The following KRT85 variants were observed in gnomAD, a reference collection of about 807,000 sequenced individuals.
The protein encoded by KRT85 is keratin 85.
In KRT85, 39 loss-of-function variants were observed where a neutral mutation model predicts 53.7. That is an observed-to-expected ratio of 0.73 (90% CI 0.56 to 0.95). KRT85 has a LOEUF of 0.95. KRT85 is among the 40% of genes least tolerant of loss of function. KRT85 has a pLI of 0.00. For missense variants in KRT85, 668 were observed against 686.0 expected (o/e 0.97, Z 0.29); for synonymous variants, 291 against 277.5 (o/e 1.05, Z -0.48).
Position 52,367,115 on chromosome 12 carries a change from G to C in KRT85, c.291C>G (p.Thr97=). 1 of 1,613,390 alleles carries C rather than the reference G, an allele frequency of 6.2e-7. No homozygotes were observed. The highest frequency in any genetic ancestry group is 8.5e-7 in the Non-Finnish European group (1 of 1,179,986). The change falls in exon 1 of 9, where the codon ACC becomes ACG. Residue 97 remains threonine (T), a synonymous_variant. Coordinates refer to ENST00000257901, the MANE Select transcript of KRT85 (RefSeq NM_002283.4). ...TGAGGAGGCTCTCGTTGACCGACAC[G>C]GTAGTGATGCATGGGGGGCTGGGTC... The part of the protein sequence containing the change: ...VCGPSPPCIT[T]VSVNESLLTP...
chr12:52,363,771 A>G (rs528679379), intron 4 of KRT85, among the ~76,000 whole-genome samples: 1 of 152,248 alleles, frequency 6.6e-6, no homozygotes, highest in East Asian at 1.9e-4. Flanking sequence ...GACCCCCACC[A>G]CACATGCACA....
At chr12:52,364,737 T>C (rs538071056) in intron 2 of KRT85, 1 of 1,379,722 alleles carries the variant, frequency 7.2e-7, no homozygotes, top group South Asian at 1.5e-5. Context: ...CCACTGGATT[T>C]CCTCTCTTCA....
At chr12:52,361,335 G>A in intron 8 of KRT85, 132 bp downstream of exon 8, 1 of 867,306 alleles carries the variant, frequency 1.2e-6, no homozygotes, top group Non-Finnish European at 2.0e-6. Context: ...CACCTGTCAT[G>A]GCCCCCACTG....
At chr12:52,366,885 T>G in intron 1 of KRT85, 101 bp downstream of exon 1, 2 of 1,594,888 alleles carry the variant, frequency 1.3e-6, no homozygotes, top group South Asian at 2.2e-5. Context: ...TTCCCTCTGC[T>G]GCCTCAAACC....
At chr12:52,363,961 T>C in intron 4 of KRT85, 107 bp downstream of exon 4, 1 of 887,794 alleles carries the variant, frequency 1.1e-6, no homozygotes, top group Admixed American at 1.7e-5. Context: ...CACACTTACA[T>C]TGCACATTGG....
chr12:52,363,979 A>G, intron 4 of KRT85, 89 bp downstream of exon 4: 1 of 986,346 alleles, frequency 1.0e-6, no homozygotes, highest in Non-Finnish European at 1.6e-6. Flanking sequence ...TGGCAAACAT[A>G]GGCACACACA....
Position 52,363,274 on chromosome 12 carries a change from G to A in KRT85, c.923C>T (p.Ala308Val). The change falls in exon 5 of 9, where the codon GCC (alanine) becomes GTC (valine). Residue 308 changes from alanine to valine, a missense_variant. Around this residue, in one of 3 missense-constraint regions of KRT85, gnomAD observed 488 missense variants for 498.1 expected, o/e 0.98. Coordinates refer to ENST00000257901, the MANE Select transcript of KRT85 (RefSeq NM_002283.4). ...GCTACGGTACCAGGACTCAGCCTCG[G>A]CCCGGCTGCGGCTGGCAACATCGTC... ...QYDDVASRSR[A>V]EAESWYRSKC... 6.2e-7 allele frequency: 1 copy of A among 1,614,182 alleles called. No homozygotes were observed. Among genetic ancestry groups the A allele is most frequent in the South Asian group, 1.1e-5 (1 of 91,076 alleles).
At chr12:52,363,197 C>G in intron 5 of KRT85, 49 bp downstream of exon 5, 1 of 1,610,906 alleles carries the variant, frequency 6.2e-7, no homozygotes, top group Non-Finnish European at 8.5e-7. Context: ...AGATGCCTAA[C>G]TTCCCTCCCA....
chr12:52,361,018 G>A lies in KRT85; in HGVS notation c.1359C>T (p.Ser453=), dbSNP rs1383537211. The A allele has an allele frequency of 6.2e-7, 1 of 1,613,464 alleles. No individual in the cohort carries two copies. Among genetic ancestry groups the A allele is most frequent in the African/African-American group, 1.3e-5 (1 of 74,908 alleles). ...VCVSSSRGGV[S]CGGLSYSTTP... ...TGGTGCTGTAGGAGAGGCCCCCACA[G>A]GAGACTCCACCACGGGAGCTGCTGA... Residue 453 remains serine (S), a synonymous_variant, in exon 9 of 9, where the codon TCC becomes TCT. Transcript: ENST00000257901.
intron 5 of KRT85, 121 bp downstream of exon 5, chr12:52,363,125 C>A: frequency 1.3e-6 from 2 of 1,557,464 alleles, no homozygotes; most frequent in African/African-American, 2.7e-5. Context: ...CTGAGAACTA[C>A]TGGCTTTTCT....
rs770691774 is a variant in KRT85 at position 52,362,336 on chromosome 12, C to G, written c.1213G>C (p.Glu405Gln). ...AKQDMACLLKEYQEVMNSKLG... is the reference protein window; with the variant it reads ...AKQDMACLLKQYQEVMNSKLG... Reference sequence around the variant, plus strand: ...TTGGAGTTCATCACCTCCTGGTACTCCTTGAGCAGGCAGGCCATGTCCTGC... The same window carrying G: ...TTGGAGTTCATCACCTCCTGGTACTGCTTGAGCAGGCAGGCCATGTCCTGC... Residue 405 changes from glutamate (E) to glutamine (Q), a missense_variant, in exon 7 of 9, where the codon GAG becomes CAG. This residue lies in a region of KRT85 where 488 missense variants were observed against 498.1 expected (regional missense o/e 0.98). Transcript: ENST00000257901. 9 of 1,614,212 alleles carry G rather than the reference C, an allele frequency of 5.6e-6. No individual in the cohort carries two copies. In the Admixed American group the frequency reaches 1.5e-4, roughly 27 times the overall value.
At position 52,367,372 on chromosome 12, in the gene KRT85, A is replaced by G. The variant is rs183437347; in HGVS notation, c.34T>C (p.Cys12Arg). The G allele has an allele frequency of 4.3e-4, 698 of 1,614,130 alleles. 10 individuals are homozygous for G. The East Asian group carries it at 0.014, about 31-fold the overall frequency. The change falls in exon 1 of 9, where the codon TGC becomes CGC. Residue 12 changes from cysteine to arginine, a missense_variant. Coordinates refer to ENST00000257901, the MANE Select transcript of KRT85 (RefSeq NM_002283.4). Reference sequence around the variant, plus strand: ...GAGCTGAAGTTCCTGGTGACCCCGCATCCTGAGCTGATCCTGTAGGAGCGG... The same window carrying G: ...GAGCTGAAGTTCCTGGTGACCCCGCGTCCTGAGCTGATCCTGTAGGAGCGG... ...SCRSYRISSG[C>R]GVTRNFSSCS... is the part of the protein sequence containing the mutation.
At position 52,367,476 on chromosome 12, in the gene KRT85, C is replaced by G; in HGVS notation, c.-71G>C. Reference sequence around the variant, plus strand: ...GGCGGCAGAGTGCGAGGCTCAGGATCCTTCTGCTCTCTCTGATCCTCCCTG... The same window carrying G: ...GGCGGCAGAGTGCGAGGCTCAGGATGCTTCTGCTCTCTCTGATCCTCCCTG... On this transcript the variant is annotated 5_prime_UTR_variant, in exon 1 of 9. Transcript: ENST00000257901. 6.7e-7 allele frequency: 1 copy of G among 1,503,184 alleles called. No homozygotes were observed. Among genetic ancestry groups the G allele is most frequent in the Non-Finnish European group, 9.2e-7 (1 of 1,089,590 alleles). The allele number at this position is 1,503,184 out of a possible 1,614,324, so 93.1% of individuals were successfully genotyped here.
At position 52,367,362 on chromosome 12, in the gene KRT85, G is replaced by T; in HGVS notation, c.44C>A (p.Thr15Asn). The T allele has an allele frequency of 6.2e-7, 1 of 1,614,118 alleles. No individual in the cohort carries two copies. Among genetic ancestry groups the T allele is most frequent in the South Asian group, 1.1e-5 (1 of 91,088 alleles). The change falls in exon 1 of 9, where the codon ACC becomes AAC. Residue 15 changes from threonine to asparagine, a missense_variant. Coordinates refer to ENST00000257901, the MANE Select transcript of KRT85 (RefSeq NM_002283.4). ...AGCTGAGCAGGAGCTGAAGTTCCTG[G>T]TGACCCCGCATCCTGAGCTGATCCT... is the stretch of plus-strand genomic sequence containing the variant. ...SYRISSGCGV[T>N]RNFSSCSAVA... is the part of the protein sequence containing the mutation.
chr12:52,364,054 A>T lies in KRT85; in HGVS notation c.786+14T>A. Reference sequence around the variant, plus strand: ...CCTCCACCTGCCCTGGCTGGGTGGCAGTTGCCCCCTTACCTCTTCATAGAG... The same window carrying T: ...CCTCCACCTGCCCTGGCTGGGTGGCTGTTGCCCCCTTACCTCTTCATAGAG... On this transcript the variant is annotated intron_variant, in intron 4 of 8. Coordinates refer to ENST00000257901, the MANE Select transcript of KRT85 (RefSeq NM_002283.4). 6.2e-7 allele frequency: 1 copy of T among 1,607,260 alleles called. No homozygotes were observed.
Position 52,361,296 on chromosome 12 carries a change from C to T in KRT85, c.1330+171G>A, listed in dbSNP as rs187551824. Among the ~76,000 whole-genome samples, 212 of 152,326 alleles carry T rather than the reference C, an allele frequency of 1.4e-3. 2 individuals are homozygous for T. Among genetic ancestry groups the T allele is most frequent in the African/African-American group, 4.9e-3 (202 of 41,566 alleles). Reference sequence around the variant, plus strand: ...GCCTATAGCTCACTGTCAACACTTGCGAAGAGCACTCAGCTCAGCTTTCTC... The same window carrying T: ...GCCTATAGCTCACTGTCAACACTTGTGAAGAGCACTCAGCTCAGCTTTCTC... On this transcript the variant is annotated intron_variant, in intron 8 of 8. Transcript: ENST00000257901.
chr12:52,361,150 T>C (rs1195312890), intron 8 of KRT85, 104 bp from the exon 9 acceptor site: 7 of 1,033,292 alleles, frequency 6.8e-6, no homozygotes, highest in Admixed American at 2.0e-5. Flanking sequence ...CTCCAAGGAA[T>C]TGGTGGTCAA....
chr12:52,365,194 A>C (rs1305112656), intron 1 of KRT85, 24 bp from the exon 2 acceptor site: 1 of 1,613,490 alleles, frequency 6.2e-7, no homozygotes, highest in Non-Finnish European at 8.5e-7. Flanking sequence ...GGAAAGAAGA[A>C]GTCAGAGGGA....
Position 52,360,543 on chromosome 12 carries a change from C to CGTATCATTAAAAAA in KRT85, c.*309_*310insTTTTTTAATGATAC. The CGTATCATTAAAAAA allele has an allele frequency of 2.5e-6, 1 of 406,284 alleles. No homozygotes were observed. The highest frequency in any genetic ancestry group is 4.6e-6 in the Non-Finnish European group (1 of 217,128). 25.2% of individuals were successfully genotyped at this position (406,284 alleles called of 1,614,324 possible). A position where few individuals can be genotyped will look rare whatever the true frequency, so the allele number is the denominator to read the frequency against. On this transcript the variant is annotated 3_prime_UTR_variant, in exon 9 of 9. Transcript: ENST00000257901. ...CCGTGCTGACCACCACGCTGGGGGA[C>CGTATCATTAAAAAA]TGGTCTTGTCCCTGAGAGCTGGGGG...
Sources: gnomAD v4.1 joint callset for allele counts (sites outside exome capture counted in the v4.1 genomes callset) on GRCh38, gnomAD v4.1.1 for gene constraint, gnomAD v4.1.1 regional missense constraint, MANE v1.5 for transcripts, NCBI Gene and HGNC (gene_info 2026-07-23, HGNC 2026-07-21) for gene names.